Variants in EFHC2 observed in about 807,000 individuals in gnomAD.
EFHC2 encodes the protein EF-hand domain-containing family member C2.
Under a neutral mutation model 52.7 loss-of-function variants are expected in EFHC2, and 18 were observed. The observed-to-expected ratio is 0.34, with a 90% CI of 0.24 to 0.51. EFHC2 has a LOEUF of 0.51. EFHC2 is among the 20% of genes least tolerant of loss of function. The pLI, the probability that EFHC2 is intolerant of heterozygous loss-of-function variation, is 0.97. For missense variants in EFHC2, 513 were observed against 562.5 expected (o/e 0.91, Z 0.89); for synonymous variants, 203 against 204.1 (o/e 0.99, Z 0.04).
intron 3 of EFHC2, among the ~76,000 whole-genome samples, chrX:44,271,414 T>C (rs1056566722): frequency 1.8e-5 from 2 of 111,287 alleles, no homozygotes; most frequent in Non-Finnish European, 3.8e-5. Context: ...TATGAGCAAG[T>C]AGGGAAAGTA....
At chrX:44,300,814 T>G (rs1258540291) in intron 2 of EFHC2, among the ~76,000 whole-genome samples, 2 of 110,619 alleles carry the variant, frequency 1.8e-5, no homozygotes, top group African/African-American at 6.6e-5. Flanking sequence ...AGATCACTAT[T>G]ATAAAACCTA....
chrX:44,248,131 A>C (rs1263968832), intron 7 of EFHC2, 141 bp downstream of exon 7: 1 of 517,850 alleles, frequency 1.9e-6, no homozygotes, highest in African/African-American at 2.4e-5. Context: ...ATATAAGACA[A>C]CAAACGGCTG....
intron 2 of EFHC2, among the ~76,000 whole-genome samples, chrX:44,301,534 A>G (rs920730292): frequency 1.8e-5 from 2 of 112,125 alleles, no homozygotes; most frequent in Admixed American, 9.5e-5. Flanking sequence ...ACCCAAACAA[A>G]CTAATATTTT....
intron 2 of EFHC2, 128 bp downstream of exon 2, chrX:44,312,440 T>A: frequency 2.2e-6 from 1 of 459,394 alleles, no homozygotes; most frequent in Non-Finnish European, 3.4e-6. Context: ...CAATAATAAG[T>A]AGAAAAGGCA....
chrX:44,312,890 T>A, intron 1 of EFHC2, 134 bp from the exon 2 acceptor site: 1 of 556,935 alleles, frequency 1.8e-6, no homozygotes, highest in Non-Finnish European at 2.7e-6. Flanking sequence ...GGCAAATAAT[T>A]ATGATCAATC....
Position 44,262,133 on chromosome X carries a change from A to C in EFHC2, c.383-835T>G, listed in dbSNP as rs983794317. On this transcript the variant is annotated intron_variant, in intron 3 of 14. Transcript: ENST00000420999. ...GGAGGTAAAAGAGTTCCTTGCCTAC[A>C]TGAGTGTACCAACTATACCACACCA... is the stretch of plus-strand genomic sequence containing the variant. Among the ~76,000 whole-genome samples the C allele has an allele frequency of 1.2e-4, 13 of 111,000 alleles. 1 individual carries two copies. Among genetic ancestry groups the C allele is most frequent in the Admixed American group, 6.8e-4 (7 of 10,358 alleles).
intron 2 of EFHC2, among the ~76,000 whole-genome samples, chrX:44,302,265 G>A (rs1252660382): frequency 9.0e-6 from 1 of 111,293 alleles, no homozygotes; most frequent in Non-Finnish European, 1.9e-5. Flanking sequence ...TTTTAACTTT[G>A]GACTAATCAG....
intron 1 of EFHC2, among the ~76,000 whole-genome samples, chrX:44,313,825 G>GCAC (rs1211765392): frequency 1.8e-5 from 2 of 110,388 alleles, no homozygotes; most frequent in Non-Finnish European, 3.8e-5. Context: ...CATGGTGGTG[G>GCAC]GCACCTGTAA....
chrX:44,199,348 CA>C (rs1358834841), intron 11 of EFHC2, among the ~76,000 whole-genome samples: 1 of 113,151 alleles, frequency 8.8e-6, no homozygotes, highest in African/African-American at 3.2e-5. Flanking sequence ...ATGCTAGCAC[CA>C]CACTTCGTGT....
intron 3 of EFHC2, among the ~76,000 whole-genome samples, chrX:44,265,536 T>C (rs1428823733): frequency 1.8e-5 from 2 of 112,296 alleles, no homozygotes; most frequent in Non-Finnish European, 3.8e-5. Context: ...CACAAAGTGC[T>C]GGGATTACAG....
At chrX:44,253,346 A>AT (rs2037467537) in intron 4 of EFHC2, among the ~76,000 whole-genome samples, 1 of 109,952 alleles carries the variant, frequency 9.1e-6, no homozygotes, top group Non-Finnish European at 1.9e-5. Flanking sequence ...AGCTCAGTGG[A>AT]TCCCCCCAGC....
chrX:44,335,619 G>A (rs1222816339), intron 1 of EFHC2, among the ~76,000 whole-genome samples: 1 of 111,185 alleles, frequency 9.0e-6, no homozygotes, highest in Non-Finnish European at 1.9e-5. Flanking sequence ...TTATTATATG[G>A]TTGTATATTT....
intron 11 of EFHC2, among the ~76,000 whole-genome samples, chrX:44,179,761 GC>G (rs2036819524): frequency 8.9e-6 from 1 of 112,151 alleles, no homozygotes; most frequent in African/African-American, 3.2e-5. Context: ...CAGGAGGCTC[GC>G]TATATGGAAA....
intron 11 of EFHC2, among the ~76,000 whole-genome samples, chrX:44,192,364 T>C (rs1247304931): frequency 8.9e-6 from 1 of 111,751 alleles, no homozygotes; most frequent in Admixed American, 9.5e-5. Context: ...TGAGGTCATA[T>C]CTTTTTGGGT....
At chrX:44,267,747 G>A (rs753789356) in intron 3 of EFHC2, among the ~76,000 whole-genome samples, 1 of 111,222 alleles carries the variant, frequency 9.0e-6, no homozygotes, top group Non-Finnish European at 1.9e-5. Flanking sequence ...AGCAAGCCCG[G>A]GCCACTCAAG....
chrX:44,250,189 C>T lies in EFHC2; in HGVS notation c.858+5G>A. The stretch of plus-strand genomic sequence containing the variant: ...AAATTCAAAGTGGTTATATCCACTG[C>T]TCACCTTGGGTAGCTTACTCCTCCG... On this transcript the variant is annotated splice_donor_5th_base_variant and intron_variant, in intron 5 of 14. Coordinates refer to ENST00000420999, the MANE Select transcript of EFHC2 (RefSeq NM_025184.4). 1 of 1,208,246 alleles carries T rather than the reference C, an allele frequency of 8.3e-7. No individual in the cohort carries two copies. Among genetic ancestry groups the T allele is most frequent in the South Asian group, 1.8e-5 (1 of 56,198 alleles).
chrX:44,231,238 G>A (rs988256479), intron 10 of EFHC2, among the ~76,000 whole-genome samples: 5 of 111,691 alleles, frequency 4.5e-5, no homozygotes, highest in Admixed American at 1.9e-4. Context: ...CATACCTTCC[G>A]GATTCACACA....
At chrX:44,169,190 T>A (rs1325920618) in intron 13 of EFHC2, among the ~76,000 whole-genome samples, 1 of 111,500 alleles carries the variant, frequency 9.0e-6, no homozygotes, top group Non-Finnish European at 1.9e-5. Flanking sequence ...CTTAAGGAAA[T>A]CCCTTAGTAA....
At chrX:44,201,482 ACT>A (rs1424365742) in intron 11 of EFHC2, among the ~76,000 whole-genome samples, 2 of 111,853 alleles carry the variant, frequency 1.8e-5, no homozygotes, top group Non-Finnish European at 3.8e-5. Context: ...CTAAAAAACA[ACT>A]CTAGTAAAAT....
Sources: gnomAD v4.1 joint callset for allele counts (sites outside exome capture counted in the v4.1 genomes callset) on GRCh38, gnomAD v4.1.1 for gene constraint, MANE v1.5 for transcripts, NCBI Gene and HGNC (gene_info 2026-07-23, HGNC 2026-07-21) for gene names.